CAMK1D: variants seen among roughly 807,000 people sequenced by gnomAD.
The protein encoded by CAMK1D is calcium/calmodulin-dependent protein kinase type 1D.
Under a neutral mutation model 47.7 loss-of-function variants are expected in CAMK1D, and 9 were observed. The observed-to-expected ratio is 0.19, with a 90% CI of 0.11 to 0.33. The LOEUF (loss-of-function observed/expected upper bound fraction) is 0.33, where lower values mean the gene tolerates loss of function less well. Ranked by LOEUF, CAMK1D falls within the 10% of genes least tolerant of loss-of-function variation. The pLI, the probability that CAMK1D is intolerant of heterozygous loss-of-function variation, is 1.00. For synonymous variants in CAMK1D, 184 were observed against 184.9 expected, an observed-to-expected ratio of 0.99 and a Z score of 0.04; for missense variants, 291 against 488.7, an observed-to-expected ratio of 0.60 and a Z score of 3.81.
intron 3 of CAMK1D, among the ~76,000 whole-genome samples, chr10:12,728,843 G>A (rs1481476166): frequency 6.6e-6 from 1 of 152,214 alleles, no homozygotes; most frequent in South Asian, 2.1e-4. Context: ...GCACGCACAC[G>A]TGCCTCTGCC....
chr10:12,525,753 C>A (rs1835599877), intron 1 of CAMK1D, among the ~76,000 whole-genome samples: 1 of 151,872 alleles, frequency 6.6e-6, no homozygotes, highest in Non-Finnish European at 1.5e-5. Context: ...TGGATTATAT[C>A]CTGTGTACTT....
At chr10:12,798,274 G>T (rs964201433) in intron 6 of CAMK1D, among the ~76,000 whole-genome samples, 3 of 152,228 alleles carry the variant, frequency 2.0e-5, no homozygotes, top group Admixed American at 6.5e-5. Context: ...AGAATGGAAG[G>T]CAGGGGACTG....
rs762036652 is a variant in CAMK1D, at chr10:12,816,255, G to T, written c.760G>T (p.Asp254Tyr). The T allele has an allele frequency of 6.2e-7, 1 of 1,613,844 alleles. No individual in the cohort carries two copies. Among genetic ancestry groups the T allele is most frequent in the Admixed American group, 1.7e-5 (1 of 59,992 alleles). ...YWDDISDSAK[D>Y]FIRNLMEKDP... ...TGTGCCTTCTTTTTGAACAGCAAAA[G>T]ACTTCATTCGGAACCTGATGGAGAA... is the stretch of plus-strand genomic sequence containing the variant. The change falls in exon 8 of 11, where the codon GAC becomes TAC. Residue 254 changes from aspartate (D) to tyrosine (Y), a missense_variant. This residue lies in a region of CAMK1D where 219 missense variants were observed against 424.3 expected (regional missense o/e 0.52). Coordinates refer to ENST00000619168, the MANE Select transcript of CAMK1D (RefSeq NM_153498.4).
Position 12,769,669 on chromosome 10 carries a change from C to G in CAMK1D, c.439-4C>G, listed in dbSNP as rs930939334. ...GTAATGTTTTTTTCTTATTTTCTTTCTAGCCCGAAAATCTCTTGTACTACA... is the reference window on the plus strand; with the variant it reads ...GTAATGTTTTTTTCTTATTTTCTTTGTAGCCCGAAAATCTCTTGTACTACA... On this transcript the variant is annotated splice_region_variant and splice_polypyrimidine_tract_variant and intron_variant, in intron 4 of 10. Transcript: ENST00000619168. 6 of 1,613,542 alleles carry G rather than the reference C, an allele frequency of 3.7e-6. No homozygotes were observed. The highest frequency in any genetic ancestry group is 2.7e-5 in the African/African-American group (2 of 74,908).
At chr10:12,523,961 G>T (rs1342638355) in intron 1 of CAMK1D, among the ~76,000 whole-genome samples, 1 of 151,634 alleles carries the variant, frequency 6.6e-6, no homozygotes, top group South Asian at 2.1e-4. Flanking sequence ...GCGCGATCTC[G>T]GCTCACTGCA....
chr10:12,375,770 G>A (rs1012463612), intron 1 of CAMK1D, among the ~76,000 whole-genome samples: 2 of 152,132 alleles, frequency 1.3e-5, no homozygotes, highest in African/African-American at 4.8e-5. Flanking sequence ...CATGATTTAT[G>A]GGAAGCAGTG....
chr10:12,479,945 C>T (rs374082604), intron 1 of CAMK1D, among the ~76,000 whole-genome samples: 2 of 152,164 alleles, frequency 1.3e-5, no homozygotes, highest in African/African-American at 4.8e-5. Context: ...TTTCTGCCCC[C>T]CCAAATGCCA....
intron 1 of CAMK1D, among the ~76,000 whole-genome samples, chr10:12,522,184 A>G (rs1359333846): frequency 2.8e-5 from 3 of 107,632 alleles, no homozygotes; most frequent in African/African-American, 6.9e-5. Flanking sequence ...GTTATATGAT[A>G]TATTTCCTTT....
chr10:12,819,098 C>T (rs2131098767), intron 8 of CAMK1D, among the ~76,000 whole-genome samples: 1 of 152,228 alleles, frequency 6.6e-6, no homozygotes, highest in Middle Eastern at 3.4e-3. Flanking sequence ...GGAAAAAGGC[C>T]AGTTAACACC....
chr10:12,698,925 C>T (rs938645767), intron 3 of CAMK1D, among the ~76,000 whole-genome samples: 1 of 152,028 alleles, frequency 6.6e-6, no homozygotes. Context: ...CCTACCTCAG[C>T]CTCCCAAAAT....
At chr10:12,463,358 G>A (rs1833494684) in intron 1 of CAMK1D, among the ~76,000 whole-genome samples, 1 of 151,988 alleles carries the variant, frequency 6.6e-6, no homozygotes, top group South Asian at 2.1e-4. Flanking sequence ...GGCTGGTTTC[G>A]AACTCCTGAC....
chr10:12,363,044 A>G (rs1297037358), intron 1 of CAMK1D, among the ~76,000 whole-genome samples: 1 of 150,362 alleles, frequency 6.7e-6, no homozygotes, highest in Non-Finnish European at 1.5e-5. Flanking sequence ...GGGTACAAGC[A>G]ATTCTCCTGT....
chr10:12,652,443 C>T (rs1840002028), intron 2 of CAMK1D, among the ~76,000 whole-genome samples: 1 of 120,292 alleles, frequency 8.3e-6, no homozygotes, highest in Non-Finnish European at 1.8e-5. Context: ...AAAAAAAAAG[C>T]CGGGCGTGGT....
chr10:12,747,862 G>C (rs566893657), intron 3 of CAMK1D, among the ~76,000 whole-genome samples: 1 of 152,264 alleles, frequency 6.6e-6, no homozygotes, highest in South Asian at 2.1e-4. Flanking sequence ...CCTCATATTC[G>C]GGGTGGGGGA....
intron 3 of CAMK1D, among the ~76,000 whole-genome samples, chr10:12,701,124 T>C (rs931857446): frequency 2.0e-5 from 3 of 151,360 alleles, no homozygotes; most frequent in Admixed American, 6.6e-5. Flanking sequence ...TTTTTTTTTC[T>C]TTTTTTGAGA....
Position 12,832,255 on chromosome 10 carries a change from G to C in CAMK1D, c.*3368G>C, listed in dbSNP as rs1833430709. 1 of 152,276 alleles carries C rather than the reference G, an allele frequency of 6.6e-6. No individual in the cohort carries two copies. The highest frequency in any genetic ancestry group is 1.5e-5 in the Non-Finnish European group (1 of 68,104). 9.4% of individuals were successfully genotyped at this position (152,276 alleles called of 1,614,324 possible). A position where few individuals can be genotyped will look rare whatever the true frequency, so the allele number is the denominator to read the frequency against. On this transcript the variant is annotated 3_prime_UTR_variant, in exon 11 of 11. Coordinates refer to ENST00000619168, the MANE Select transcript of CAMK1D (RefSeq NM_153498.4). Reference sequence around the variant, plus strand: ...TATTCATTGAGACAAACAGTGAGCGGGCACCAACAGGCCAGCAGCTTGGCC... The same window carrying C: ...TATTCATTGAGACAAACAGTGAGCGCGCACCAACAGGCCAGCAGCTTGGCC...
At chr10:12,559,019 A>T (rs950502952) in intron 2 of CAMK1D, among the ~76,000 whole-genome samples, 12 of 152,172 alleles carry the variant, frequency 7.9e-5, no homozygotes, top group Admixed American at 5.2e-4. Flanking sequence ...AATCATACTG[A>T]TTAGCCGGGC....
chr10:12,522,308 A>G (rs1315729397), intron 1 of CAMK1D, among the ~76,000 whole-genome samples: 1 of 138,348 alleles, frequency 7.2e-6, no homozygotes, highest in Non-Finnish European at 1.6e-5. Context: ...ACAAGTGAAC[A>G]AAGGTCTCTG....
rs144056919 is a variant in CAMK1D at position 12,636,130 on chromosome 10, G to T, written c.225-30606G>T. On this transcript the variant is annotated intron_variant, in intron 2 of 10. Transcript: ENST00000619168. ...TTAAGTACATTTCACATTGTTATAT[G>T]ATCCTTACCACCATCTGTCTGCAGA... Among the ~76,000 whole-genome samples the T allele has an allele frequency of 1.2e-4, 18 of 152,274 alleles. No individual in the cohort carries two copies. In the East Asian group the frequency reaches 3.5e-3, roughly 29 times the overall value.
Sources: allele counts gnomAD v4.1 joint callset (sites outside exome capture counted in the v4.1 genomes callset), GRCh38; gene constraint gnomAD v4.1.1; regional missense constraint gnomAD v4.1.1; transcripts MANE v1.5; gene names NCBI Gene and HGNC (gene_info 2026-07-23, HGNC 2026-07-21).